The following ZFHX3 variants were observed in gnomAD, a reference collection of about 807,000 sequenced individuals.
ZFHX3 encodes the protein zinc finger homeobox 3, also known as zinc finger homeobox protein 3.
A neutral mutation model predicts 279.1 loss-of-function variants in ZFHX3; 42 were observed. The observed-to-expected ratio is 0.15, with a 90% CI of 0.12 to 0.19. The LOEUF (loss-of-function observed/expected upper bound fraction) is 0.19, where lower values mean the gene tolerates loss of function less well. ZFHX3 is among the 10% of genes least tolerant of loss of function. The pLI is 1.00. For missense variants in ZFHX3, 4,981 were observed against 4,754.0 expected (o/e 1.05, Z -1.40); for synonymous variants, 2,293 against 1,957.8 (o/e 1.17, Z -4.52).
chr16:73,280,984 AAAAG>A (rs1221603528), intron 4 of ZFHX3, among the ~76,000 whole-genome samples: 1 of 143,016 alleles, frequency 7.0e-6, no homozygotes, highest in Non-Finnish European at 1.5e-5. Context: ...AAACTCCATT[AAAAG>A]AAAGAAAGAG....
chr16:73,715,261 T>C (rs2053403185), intron 1 of ZFHX3, among the ~76,000 whole-genome samples: 1 of 152,130 alleles, frequency 6.6e-6, no homozygotes, highest in Non-Finnish European at 1.5e-5. Flanking sequence ...GAAATTGACC[T>C]CACTGAAGAG....
chr16:73,180,030 G>A (rs1249317316), intron 5 of ZFHX3, among the ~76,000 whole-genome samples: 1 of 152,194 alleles, frequency 6.6e-6, no homozygotes, highest in Non-Finnish European at 1.5e-5. Flanking sequence ...GTCAATAGAA[G>A]GTGATAAATC....
At chr16:73,519,208 A>G (rs1388541115) in intron 2 of ZFHX3, among the ~76,000 whole-genome samples, 1 of 152,140 alleles carries the variant, frequency 6.6e-6, no homozygotes, top group Non-Finnish European at 1.5e-5. Context: ...CAGTTAAACC[A>G]CCAGTAAATC....
intron 1 of ZFHX3, among the ~76,000 whole-genome samples, chr16:73,846,620 C>T (rs1961454937): frequency 6.6e-6 from 1 of 152,190 alleles, no homozygotes; most frequent in South Asian, 2.1e-4. Context: ...GCACAGGCCT[C>T]AGATGCCTCT....
chr16:73,809,751 T>G (rs1414459881), intron 1 of ZFHX3: 1 of 152,018 alleles, frequency 6.6e-6, no homozygotes, highest in Non-Finnish European at 1.5e-5. Flanking sequence ...CTGTTTAGGC[T>G]CTACTCATTA....
chr16:73,713,536 A>G (rs1462300083), intron 1 of ZFHX3, among the ~76,000 whole-genome samples: 10 of 152,184 alleles, frequency 6.6e-5, no homozygotes, highest in Non-Finnish European at 1.5e-4. Flanking sequence ...AGCATTCGGA[A>G]TTGCAGGCAC....
intron 2 of ZFHX3, among the ~76,000 whole-genome samples, chr16:73,591,669 G>C (rs1567527620): frequency 7.7e-6 from 1 of 129,784 alleles, no homozygotes; most frequent in Non-Finnish European, 1.6e-5. Flanking sequence ...CTCCAGCCTG[G>C]GCGACAGAGC....
chr16:73,547,159 A>G (rs7191888), intron 2 of ZFHX3, among the ~76,000 whole-genome samples: 33,849 of 151,920 alleles, frequency 0.22, 4,152 homozygotes, highest in African/African-American at 0.34. Flanking sequence ...TAAAAATGCA[A>G]TGATGTTCCT....
At chr16:73,037,793 C>T (rs886873202) in intron 1 of ZFHX3, among the ~76,000 whole-genome samples, 1 of 152,200 alleles carries the variant, frequency 6.6e-6, no homozygotes, top group Admixed American at 6.5e-5. Context: ...CCTGGCTGAC[C>T]CCCATGTCCC....
intron 3 of ZFHX3, among the ~76,000 whole-genome samples, chr16:72,920,986 C>A (rs1431465440): frequency 7.0e-6 from 1 of 143,164 alleles, no homozygotes; most frequent in Admixed American, 7.3e-5. Context: ...GCAGGAGGAT[C>A]ACTTGGGCCC....
intron 3 of ZFHX3, among the ~76,000 whole-genome samples, chr16:73,388,363 C>A (rs1289681272): frequency 1.3e-5 from 2 of 152,182 alleles, no homozygotes; most frequent in Admixed American, 1.3e-4. Context: ...GGGTAATGAT[C>A]TGGGAAAATC....
intron 1 of ZFHX3, among the ~76,000 whole-genome samples, chr16:73,047,029 C>G (rs1468548935): frequency 1.3e-5 from 2 of 152,200 alleles, no homozygotes; most frequent in African/African-American, 2.4e-5. Flanking sequence ...CAGTCTTTGC[C>G]CTCCAGGCCT....
chr16:73,735,880 C>T (rs1232488229), intron 1 of ZFHX3, among the ~76,000 whole-genome samples: 1 of 59,646 alleles, frequency 1.7e-5, no homozygotes, highest in East Asian at 5.5e-4. Context: ...AAATGAAGCA[C>T]CAGCCATTCC....
intron 1 of ZFHX3, among the ~76,000 whole-genome samples, chr16:73,741,187 C>T (rs1015252063): frequency 3.3e-5 from 5 of 151,898 alleles, no homozygotes; most frequent in South Asian, 2.1e-4. Flanking sequence ...CCTGCCACGA[C>T]GCCCAGCTAA....
At chr16:72,852,688 T>G (rs2037647998) in intron 4 of ZFHX3, among the ~76,000 whole-genome samples, 1 of 152,196 alleles carries the variant, frequency 6.6e-6, no homozygotes, top group Admixed American at 6.5e-5. Context: ...TATAAAAAGT[T>G]TCCTTTTTTT....
intron 3 of ZFHX3, among the ~76,000 whole-genome samples, chr16:72,909,561 T>TTTTTGACAATTTGATAAGCAA (rs1159258645): frequency 6.6e-6 from 1 of 152,142 alleles, no homozygotes; most frequent in African/African-American, 2.4e-5. Context: ...ATAAGCAAAA[T>TTTTTGACAATTTGATAAGCAA]AAGTTTCTTA....
intron 4 of ZFHX3, among the ~76,000 whole-genome samples, chr16:73,267,366 T>C (rs768969361): frequency 1.5e-4 from 23 of 152,110 alleles, no homozygotes; most frequent in Non-Finnish European, 2.6e-4. Flanking sequence ...CCCCCAACTA[T>C]GATGGAACAG....
At chr16:73,440,426 T>C (rs1007507935) in intron 3 of ZFHX3, among the ~76,000 whole-genome samples, 2 of 152,188 alleles carry the variant, frequency 1.3e-5, no homozygotes, top group Admixed American at 6.5e-5. Flanking sequence ...ACAGAAAAAC[T>C]GTAGTCAATC....
intron 2 of ZFHX3, among the ~76,000 whole-genome samples, chr16:73,617,036 C>A (rs4887871): frequency 2.0e-5 from 3 of 152,160 alleles, no homozygotes; most frequent in African/African-American, 7.2e-5. Context: ...TGTGTCAACT[C>A]TATTAATCAT....
Sources: allele counts gnomAD v4.1 joint callset (sites outside exome capture counted in the v4.1 genomes callset), GRCh38; gene constraint gnomAD v4.1.1; transcripts MANE v1.5; gene names NCBI Gene and HGNC (gene_info 2026-07-23, HGNC 2026-07-21).